The following GCNT1 variants were observed in gnomAD, a reference collection of about 807,000 sequenced individuals.
The protein encoded by GCNT1 is glucosaminyl (N-acetyl) transferase 1.
GCNT1 carries 16 observed loss-of-function variants against 26.2 expected under a neutral mutation model. That is an observed-to-expected ratio of 0.61 (90% CI 0.41 to 0.93). GCNT1 has a LOEUF of 0.93. GCNT1 is among the 40% of genes least tolerant of loss of function. The pLI is 0.00. For synonymous variants in GCNT1, 183 were observed against 190.8 expected, an observed-to-expected ratio of 0.96 and a Z score of 0.34; for missense variants, 477 against 526.7, an observed-to-expected ratio of 0.91 and a Z score of 0.92.
chr9:76,488,317 T>C (rs961182417), intron 2 of GCNT1, among the ~76,000 whole-genome samples: 6 of 152,240 alleles, frequency 3.9e-5, no homozygotes, highest in African/African-American at 1.4e-4. Context: ...TTTCCTTTTT[T>C]CTTTTTCTTC....
At chr9:76,475,015 G>A (rs1824221803) in intron 2 of GCNT1, among the ~76,000 whole-genome samples, 1 of 152,136 alleles carries the variant, frequency 6.6e-6, no homozygotes, top group South Asian at 2.1e-4. Context: ...CGGTTCAAGC[G>A]ATTCTCCTGC....
intron 2 of GCNT1, among the ~76,000 whole-genome samples, chr9:76,495,663 GCATTTACAA>G (rs1358412865): frequency 6.6e-6 from 1 of 152,122 alleles, no homozygotes; most frequent in Non-Finnish European, 1.5e-5. Context: ...ACTGATTGGT[GCATTTACAA>G]TCCTCGACCC....
Position 76,507,047 on chromosome 9 carries a change from T to C in GCNT1, c.*3379T>C, listed in dbSNP as rs1406915082. On this transcript the variant is annotated 3_prime_UTR_variant, in exon 4 of 4. Transcript: ENST00000376730. ...AATCATAACTTAGCCAAGCCTACCTTAAATGTTCTCAGAACATTTAGCCTG... is the reference window on the plus strand; with the variant it reads ...AATCATAACTTAGCCAAGCCTACCTCAAATGTTCTCAGAACATTTAGCCTG... 4 of 167,116 alleles carry C rather than the reference T, an allele frequency of 2.4e-5. No individual in the cohort carries two copies. The highest frequency in any genetic ancestry group is 5.9e-5 in the Non-Finnish European group (4 of 68,118). 10.4% of individuals were successfully genotyped at this position (167,116 alleles called of 1,614,324 possible).
At chr9:76,466,352 A>T (rs1470137356) in intron 2 of GCNT1, among the ~76,000 whole-genome samples, 1 of 152,220 alleles carries the variant, frequency 6.6e-6, no homozygotes, top group Non-Finnish European at 1.5e-5. Flanking sequence ...CCCAGGCTGG[A>T]GTGCAGTGGC....
chr9:76,478,726 G>T (rs1266830757), intron 2 of GCNT1, among the ~76,000 whole-genome samples: 2 of 152,092 alleles, frequency 1.3e-5, no homozygotes, highest in Admixed American at 6.5e-5. Context: ...TGTTTATCAC[G>T]TGCTTTTTCT....
intron 1 of GCNT1, among the ~76,000 whole-genome samples, chr9:76,429,683 G>A (rs1425618529): frequency 6.7e-6 from 1 of 150,304 alleles, no homozygotes; most frequent in Non-Finnish European, 1.5e-5. Context: ...AAGCCCTAAT[G>A]AATAGAAGGT....
the GCNT1 span, among the ~76,000 whole-genome samples, chr9:76,407,404 A>T: frequency 6.6e-6 from 1 of 152,256 alleles, no homozygotes; most frequent in Non-Finnish European, 1.5e-5. Context: ...CCTTTGTGAA[A>T]CATAAATTCA....
intron 1 of GCNT1, among the ~76,000 whole-genome samples, chr9:76,428,692 GTATT>G (rs1400917318): frequency 7.1e-6 from 1 of 140,264 alleles, no homozygotes; most frequent in Non-Finnish European, 1.5e-5. Flanking sequence ...TAGCTGTTGC[GTATT>G]CTATTTTTTT....
intron 2 of GCNT1, among the ~76,000 whole-genome samples, chr9:76,496,759 A>T (rs619429): frequency 6.6e-6 from 1 of 152,138 alleles, no homozygotes; most frequent in Non-Finnish European, 1.5e-5. Flanking sequence ...TTAAAAGTCA[A>T]GTACCAAGAA....
chr9:76,423,883 A>G (rs1456457014), intron 1 of GCNT1, among the ~76,000 whole-genome samples: 2 of 152,210 alleles, frequency 1.3e-5, no homozygotes, highest in African/African-American at 4.8e-5. Context: ...ATCTGAAATA[A>G]TTTGTTAGAT....
chr9:76,464,967 A>G (rs1356947083), intron 2 of GCNT1, among the ~76,000 whole-genome samples: 3 of 151,392 alleles, frequency 2.0e-5, no homozygotes, highest in Non-Finnish European at 4.4e-5. Context: ...CATTTTCTCC[A>G]GTTTCCAATG....
intron 2 of GCNT1, among the ~76,000 whole-genome samples, chr9:76,464,636 C>G (rs1395155972): frequency 1.3e-5 from 2 of 152,020 alleles, no homozygotes; most frequent in African/African-American, 4.8e-5. Flanking sequence ...CAGTTGAACT[C>G]CTAGGCTCAA....
chr9:76,502,758 C>T lies in GCNT1; in HGVS notation c.377C>T (p.Ser126Phe). The T allele has an allele frequency of 1.2e-6, 2 of 1,614,126 alleles. No individual in the cohort carries two copies. The highest frequency in any genetic ancestry group is 1.7e-6 in the Non-Finnish European group (2 of 1,180,020). ...GAGGCGGAGTTTCCAATAGCATATT[C>T]TATAGTGGTTCATCACAAGATTGAA... ...KEEAEFPIAYSIVVHHKIEML... is the reference protein window; with the variant it reads ...KEEAEFPIAYFIVVHHKIEML... Residue 126 changes from serine to phenylalanine, a missense_variant, in exon 4 of 4, where the codon TCT becomes TTT. By Grantham distance (155) the Ser-to-Phe change is radical (BLOSUM62 -2). Coordinates refer to ENST00000376730, the MANE Select transcript of GCNT1 (RefSeq NM_001490.5).
At chr9:76,432,119 A>G (rs1823344622) in intron 1 of GCNT1, among the ~76,000 whole-genome samples, 1 of 152,136 alleles carries the variant, frequency 6.6e-6, no homozygotes, top group Admixed American at 6.6e-5. Context: ...AAGAAAAGGA[A>G]AAAAAAGGAA....
chr9:76,416,772 G>T (rs1823136790), upstream of GCNT1, among the ~76,000 whole-genome samples: 1 of 152,228 alleles, frequency 6.6e-6, no homozygotes, highest in Non-Finnish European at 1.5e-5. Flanking sequence ...AAGAAGATAT[G>T]ATCTGGCTGG....
At chr9:76,409,565 C>T in the GCNT1 span, among the ~76,000 whole-genome samples, 2 of 152,222 alleles carry the variant, frequency 1.3e-5, no homozygotes, top group African/African-American at 4.8e-5. Flanking sequence ...CGTGCCTCAG[C>T]CTCCTGAGTA....
intron 2 of GCNT1, among the ~76,000 whole-genome samples, chr9:76,499,857 A>AT (rs1275088453): frequency 5.3e-5 from 8 of 151,922 alleles, no homozygotes; most frequent in Non-Finnish European, 1.0e-4. Context: ...TTTTTCAACT[A>AT]TTTTTCTACC....
At chr9:76,396,712 C>T in the GCNT1 span, among the ~76,000 whole-genome samples, 1 of 151,984 alleles carries the variant, frequency 6.6e-6, no homozygotes, top group African/African-American at 2.4e-5. Flanking sequence ...AGTGGTGGCG[C>T]TCACCTGTGG....
chr9:76,457,976 T>C (rs1430724792), upstream of GCNT1, among the ~76,000 whole-genome samples: 1 of 152,006 alleles, frequency 6.6e-6, no homozygotes, highest in Non-Finnish European at 1.5e-5. Context: ...TTCTTTTCTG[T>C]GATACCCCCT....
Sources: allele counts gnomAD v4.1 joint callset (sites outside exome capture counted in the v4.1 genomes callset), GRCh38; gene constraint gnomAD v4.1.1; transcripts MANE v1.5; gene names NCBI Gene and HGNC (gene_info 2026-07-23, HGNC 2026-07-21).